LINGO2: variants seen among roughly 807,000 people sequenced by gnomAD.
LINGO2 encodes the protein leucine-rich repeat and immunoglobulin-like domain-containing nogo receptor-interacting protein 2.
A neutral mutation model predicts 30.6 loss-of-function variants in LINGO2; 14 were observed. The observed-to-expected ratio is 0.46, with a 90% CI of 0.30 to 0.72. The LOEUF (loss-of-function observed/expected upper bound fraction) is 0.72, where lower values mean the gene tolerates loss of function less well. Among genes scored for constraint, LINGO2 ranks in the 30% least tolerant of loss-of-function variants. LINGO2 has a pLI of 0.07. For synonymous variants in LINGO2, 317 were observed against 288.5 expected (o/e 1.10, Z -1.00); for missense variants, 729 against 751.7 (o/e 0.97, Z 0.35).
At chr9:28,618,612 T>C (rs566563250) in intron 1 of LINGO2, among the ~76,000 whole-genome samples, 13 of 152,264 alleles carry the variant, frequency 8.5e-5, no homozygotes, top group African/African-American at 3.1e-4. Context: ...CTTGCCCTAC[T>C]TATATATTCA....
At chr9:29,088,633 C>T in the LINGO2 span, among the ~76,000 whole-genome samples, 1 of 152,062 alleles carries the variant, frequency 6.6e-6, no homozygotes, top group Non-Finnish European at 1.5e-5. Flanking sequence ...GAAAATAATA[C>T]CTACACAGAC....
chr9:28,050,152 T>C (rs1158658494), intron 4 of LINGO2, among the ~76,000 whole-genome samples: 1 of 150,466 alleles, frequency 6.6e-6, no homozygotes, highest in Non-Finnish European at 1.5e-5. Flanking sequence ...TGTGGGTGGC[T>C]GAGTGAAGCA....
At chr9:28,260,386 T>C (rs890793765) in intron 4 of LINGO2, among the ~76,000 whole-genome samples, 2 of 151,894 alleles carry the variant, frequency 1.3e-5, no homozygotes, top group Non-Finnish European at 2.9e-5. Flanking sequence ...TGTTTCGTAA[T>C]GGTCGCTTTG....
intron 1 of LINGO2, among the ~76,000 whole-genome samples, chr9:28,659,007 G>A (rs1158960495): frequency 6.6e-6 from 1 of 152,036 alleles, no homozygotes; most frequent in African/African-American, 2.4e-5. Flanking sequence ...GCAAAAGAGG[G>A]TGAAAGTAAA....
intron 5 of LINGO2, among the ~76,000 whole-genome samples, chr9:27,994,913 T>A (rs1051038905): frequency 6.6e-6 from 1 of 152,130 alleles, no homozygotes; most frequent in African/African-American, 2.4e-5. Flanking sequence ...GTACTGTCTC[T>A]CTCTCAATAA....
chr9:28,460,467 C>G (rs1825033263), intron 2 of LINGO2, among the ~76,000 whole-genome samples: 1 of 152,022 alleles, frequency 6.6e-6, no homozygotes, highest in Admixed American at 6.6e-5. Context: ...GTATAGGTGA[C>G]TTTTAAAGTC....
chr9:29,141,686 C>A, the LINGO2 span, among the ~76,000 whole-genome samples: 2 of 151,578 alleles, frequency 1.3e-5, no homozygotes, highest in Non-Finnish European at 1.5e-5. Flanking sequence ...CACACATAGG[C>A]TAAAAGCAAA....
chr9:28,104,994 A>C (rs897782281), intron 4 of LINGO2, among the ~76,000 whole-genome samples: 1 of 152,140 alleles, frequency 6.6e-6, no homozygotes, highest in Non-Finnish European at 1.5e-5. Flanking sequence ...ACATTGATCA[A>C]CCTGCCATAT....
At chr9:28,353,826 A>G (rs1820031251) in intron 3 of LINGO2, among the ~76,000 whole-genome samples, 1 of 152,044 alleles carries the variant, frequency 6.6e-6, no homozygotes, top group Non-Finnish European at 1.5e-5. Context: ...TGCAGCCATA[A>G]AAAATGATGA....
At chr9:29,120,534 TG>T in the LINGO2 span, among the ~76,000 whole-genome samples, 1 of 152,190 alleles carries the variant, frequency 6.6e-6, no homozygotes, top group Non-Finnish European at 1.5e-5. Context: ...CTACTAACTG[TG>T]GTCCAACTCT....
intron 4 of LINGO2, among the ~76,000 whole-genome samples, chr9:28,046,366 G>C (rs987737273): frequency 3.3e-5 from 5 of 152,140 alleles, no homozygotes; most frequent in Non-Finnish European, 5.9e-5. Flanking sequence ...ATTCAGACTG[G>C]TGGACCCCAC....
At chr9:28,554,382 A>C (rs895861475) in intron 1 of LINGO2, among the ~76,000 whole-genome samples, 2 of 144,534 alleles carry the variant, frequency 1.4e-5, no homozygotes, top group African/African-American at 5.2e-5. Context: ...TAAACCAACA[A>C]AGATCAAAAG....
chr9:29,175,096 T>C, the LINGO2 span, among the ~76,000 whole-genome samples: 2 of 151,992 alleles, frequency 1.3e-5, no homozygotes, highest in African/African-American at 4.8e-5. Context: ...CCATCTTTAC[T>C]AAAAATACAA....
At chr9:27,973,208 G>A (rs147978156) in intron 5 of LINGO2, among the ~76,000 whole-genome samples, 1 of 152,222 alleles carries the variant, frequency 6.6e-6, no homozygotes, top group African/African-American at 2.4e-5. Context: ...CTGTTTCTCT[G>A]GGGAATTCTG....
chr9:28,579,162 A>G (rs1824139283), intron 1 of LINGO2, among the ~76,000 whole-genome samples: 1 of 152,046 alleles, frequency 6.6e-6, no homozygotes, highest in Admixed American at 6.6e-5. Flanking sequence ...AAAGGCTGAG[A>G]ATCCATTAAG....
chr9:28,561,749 G>GTGTGTA (rs772157537), intron 1 of LINGO2, among the ~76,000 whole-genome samples: 4,594 of 48,676 alleles, frequency 0.094, 1,040 homozygotes, highest in South Asian at 0.19. Context: ...GTGTGTGTGT[G>GTGTGTA]TATATATATA....
chr9:28,848,488 T>A, the LINGO2 span, among the ~76,000 whole-genome samples: 3 of 145,408 alleles, frequency 2.1e-5, no homozygotes, highest in African/African-American at 7.6e-5. Context: ...GCTATAATTT[T>A]GAAATGTGTA....
At chr9:28,067,996 T>A (rs1010072820) in intron 4 of LINGO2, among the ~76,000 whole-genome samples, 1 of 152,076 alleles carries the variant, frequency 6.6e-6, no homozygotes, top group African/African-American at 2.4e-5. Flanking sequence ...TCTCAGAAAA[T>A]ATACTCAACA....
chr9:28,170,200 T>C (rs1035460267), intron 4 of LINGO2, among the ~76,000 whole-genome samples: 5 of 152,148 alleles, frequency 3.3e-5, no homozygotes, highest in Admixed American at 3.3e-4. Context: ...GCTTGACACA[T>C]TTTGAGGCAC....
Sources: allele counts gnomAD v4.1 joint callset (sites outside exome capture counted in the v4.1 genomes callset), GRCh38; gene constraint gnomAD v4.1.1; transcripts MANE v1.5; gene names NCBI Gene and HGNC (gene_info 2026-07-23, HGNC 2026-07-21).